The following RAB3GAP1 variants were observed in gnomAD, a reference collection of about 807,000 sequenced individuals.
The protein encoded by RAB3GAP1 is RAB3 GTPase activating protein catalytic subunit 1, also known as rab3 GTPase-activating protein catalytic subunit.
Under a neutral mutation model 130.7 loss-of-function variants are expected in RAB3GAP1, and 86 were observed. The observed-to-expected ratio is 0.66, with a 90% CI of 0.55 to 0.79. The LOEUF (loss-of-function observed/expected upper bound fraction) is 0.79. Ranked by LOEUF, RAB3GAP1 falls within the 30% of genes least tolerant of loss-of-function variation. RAB3GAP1 has a pLI of 0.00. For synonymous variants in RAB3GAP1, 367 were observed against 401.7 expected (o/e 0.91, Z 1.03); for missense variants, 1,029 against 1,169.4 (o/e 0.88, Z 1.75).
intron 5 of RAB3GAP1, among the ~76,000 whole-genome samples, chr2:135,097,433 C>T (rs377433026): frequency 6.6e-6 from 1 of 152,000 alleles, no homozygotes; most frequent in Non-Finnish European, 1.5e-5. Context: ...GTTGCCTGGG[C>T]TGGTCTTAAA....
rs1440609528 is a variant in RAB3GAP1, at chr2:135,135,832, C to T, written c.1823C>T (p.Pro608Leu). 2.5e-6 allele frequency: 4 copies of T among 1,613,962 alleles called. No homozygotes were observed. The African/African-American group carries it at 4.0e-5, about 16-fold the overall frequency. ...CAAGAGAGTGGCAAGAAAGGAGGAC[C>T]TAAGGAGATGGCAAATTTAAGGCCG... ...NGQESGKKGG[P>L]KEMANLRPEG... The change falls in exon 17 of 24, where the codon CCT becomes CTT. Residue 608 changes from proline to leucine, a missense_variant. Physicochemically the swap from Pro to Leu is moderately conservative, Grantham distance 98. Around this residue, in one of 3 missense-constraint regions of RAB3GAP1, gnomAD observed 373 missense variants for 493.6 expected, o/e 0.76. Transcript: ENST00000264158.
Position 135,169,955 on chromosome 2 carries a change from G to T in RAB3GAP1, c.*1174G>T. On this transcript the variant is annotated 3_prime_UTR_variant, in exon 24 of 24. Coordinates refer to ENST00000264158, the MANE Select transcript of RAB3GAP1 (RefSeq NM_012233.3). ...AATTTTAAAAAATTAATAGAGCTGT[G>T]CAAACCCTGTTATTTTTGTAAAAAA... is the stretch of plus-strand genomic sequence containing the variant. The T allele has an allele frequency of 7.6e-6, 2 of 261,446 alleles. No homozygotes were observed. Among genetic ancestry groups the T allele is most frequent in the Non-Finnish European group, 1.5e-5 (2 of 132,632 alleles). The allele number at this position is 261,446 out of a possible 1,614,324, so 16.2% of individuals were successfully genotyped here.
chr2:135,088,718 GA>G (rs1427846221), intron 3 of RAB3GAP1, among the ~76,000 whole-genome samples: 2 of 142,920 alleles, frequency 1.4e-5, no homozygotes, highest in South Asian at 2.3e-4. Flanking sequence ...AGAAAGAAAA[GA>G]AAAAAAATTA....
chr2:135,073,062 A>G (rs1689523542), intron 3 of RAB3GAP1, among the ~76,000 whole-genome samples: 2 of 152,240 alleles, frequency 1.3e-5, no homozygotes, highest in Non-Finnish European at 2.9e-5. Flanking sequence ...ATTAGAGGGA[A>G]AGATGAATTC....
chr2:135,097,016 A>T (rs1315802150), intron 5 of RAB3GAP1, among the ~76,000 whole-genome samples: 1 of 152,106 alleles, frequency 6.6e-6, no homozygotes, highest in African/African-American at 2.4e-5. Flanking sequence ...ACTTTTAAAA[A>T]TATTTTTAAA....
At chr2:135,138,465 G>A (rs546770145) in intron 17 of RAB3GAP1, among the ~76,000 whole-genome samples, 1 of 151,958 alleles carries the variant, frequency 6.6e-6, no homozygotes, top group East Asian at 1.9e-4. Context: ...AATAAAAAGT[G>A]AAAGCCACCA....
chr2:135,159,222 T>C (rs1448641371), intron 19 of RAB3GAP1, among the ~76,000 whole-genome samples: 1 of 152,222 alleles, frequency 6.6e-6, no homozygotes, highest in Non-Finnish European at 1.5e-5. Context: ...GAGGTGAAGC[T>C]AATTCCCACT....
intron 4 of RAB3GAP1, among the ~76,000 whole-genome samples, chr2:135,092,905 G>T (rs1294605028): frequency 2.6e-5 from 4 of 152,126 alleles, no homozygotes; most frequent in Non-Finnish European, 5.9e-5. Flanking sequence ...ATTATCAGAG[G>T]TCAGGAGATT....
At chr2:135,089,371 T>C (rs1690076428) in intron 3 of RAB3GAP1, among the ~76,000 whole-genome samples, 1 of 151,472 alleles carries the variant, frequency 6.6e-6, no homozygotes, top group Non-Finnish European at 1.5e-5. Context: ...CTTGGCTATA[T>C]TGGCGCTTTT....
rs765376341 is a variant in RAB3GAP1 at position 135,126,667 on chromosome 2, T to G, written c.973+11T>G. 1 of 1,595,150 alleles carries G rather than the reference T, an allele frequency of 6.3e-7. No homozygotes were observed. The highest frequency in any genetic ancestry group is 8.6e-7 in the Non-Finnish European group (1 of 1,162,788). On this transcript the variant is annotated intron_variant, in intron 11 of 23. Transcript: ENST00000264158. Reference sequence around the variant, plus strand: ...CTCAGTGTTTGCTAGGTAAGGTATATTATGCTCCTTTCCTGAAATACTGCT... The same window carrying G: ...CTCAGTGTTTGCTAGGTAAGGTATAGTATGCTCCTTTCCTGAAATACTGCT...
intron 19 of RAB3GAP1, among the ~76,000 whole-genome samples, chr2:135,154,292 A>G (rs758870592): frequency 7.4e-4 from 113 of 152,344 alleles, no homozygotes; most frequent in Non-Finnish European, 1.1e-3. Context: ...ACTTGGTTCA[A>G]TAAATTATGG....
rs1365191936 is a variant in RAB3GAP1 at position 135,126,440 on chromosome 2, A to G, written c.900-143A>G. The G allele has an allele frequency of 3.3e-6, 3 of 915,714 alleles. No homozygotes were observed. The East Asian group carries it at 7.5e-5, about 23-fold the overall frequency. 56.7% of individuals were successfully genotyped at this position (915,714 alleles called of 1,614,324 possible). On this transcript the variant is annotated intron_variant, in intron 10 of 23. Transcript: ENST00000264158. ...TTTAAAAACTTATCCAAATGGCTCC[A>G]TGTATCTGGATAAGAGTAAGTTTAA...
At chr2:135,174,792 C>CA, downstream of RAB3GAP1, among the ~76,000 whole-genome samples, 1 of 152,320 alleles carries the variant, frequency 6.6e-6, no homozygotes, top group East Asian at 1.9e-4. Context: ...CAAACGTCCT[C>CA]AACTATTCTG....
intron 3 of RAB3GAP1, among the ~76,000 whole-genome samples, chr2:135,081,729 G>A (rs915042812): frequency 5.9e-5 from 9 of 152,082 alleles, no homozygotes; most frequent in African/African-American, 1.9e-4. Context: ...TGCTCAGTGA[G>A]TATTCTTTAT....
At chr2:135,174,769 AGT>A (rs1225813237), downstream of RAB3GAP1, among the ~76,000 whole-genome samples, 3 of 152,222 alleles carry the variant, frequency 2.0e-5, no homozygotes, top group South Asian at 2.1e-4. Flanking sequence ...ATATTTTTAG[AGT>A]GTGAATTTCC....
At chr2:135,056,082 C>T (rs959842904) in intron 2 of RAB3GAP1, among the ~76,000 whole-genome samples, 4 of 151,844 alleles carry the variant, frequency 2.6e-5, no homozygotes, top group African/African-American at 7.3e-5. Flanking sequence ...ATGATCCGCC[C>T]GCCTCGGCCT....
intron 8 of RAB3GAP1, 133 bp from the exon 9 acceptor site, chr2:135,124,032 G>A: frequency 1.3e-6 from 1 of 750,008 alleles, no homozygotes; most frequent in Non-Finnish European, 2.3e-6. Context: ...GCTGTAAGTT[G>A]GTCTAACTTG....
At chr2:135,071,650 C>G (rs966307718) in intron 3 of RAB3GAP1, among the ~76,000 whole-genome samples, 14 of 152,180 alleles carry the variant, frequency 9.2e-5, no homozygotes, top group African/African-American at 3.4e-4. Context: ...CTGGAGGGGC[C>G]TAAATGCAGG....
chr2:135,093,222 AG>A (rs1690194659), intron 4 of RAB3GAP1, among the ~76,000 whole-genome samples: 2 of 152,194 alleles, frequency 1.3e-5, no homozygotes, highest in South Asian at 4.1e-4. Context: ...TAAGATGGAC[AG>A]GGGGCCTAAA....
Sources: allele counts gnomAD v4.1 joint callset (sites outside exome capture counted in the v4.1 genomes callset), GRCh38; gene constraint gnomAD v4.1.1; regional missense constraint gnomAD v4.1.1; transcripts MANE v1.5; gene names NCBI Gene and HGNC (gene_info 2026-07-23, HGNC 2026-07-21).